EFL1: variants seen among roughly 807,000 people sequenced by gnomAD.
The protein encoded by EFL1 is elongation factor-like GTPase 1.
A neutral mutation model predicts 126.7 loss-of-function variants in EFL1; 76 were observed. The observed-to-expected ratio is 0.60, with a 90% confidence interval of 0.50 to 0.73. The LOEUF is 0.73. Among genes scored for constraint, EFL1 ranks in the 30% least tolerant of loss-of-function variants. The probability of loss-of-function intolerance (pLI) is 0.00; values close to 1 mark genes in which losing one functional copy is unlikely to be tolerated. For synonymous variants in EFL1, 410 were observed against 448.4 expected (o/e 0.91, Z 1.08); for missense variants, 1,128 against 1,343.2 (o/e 0.84, Z 2.50).
chr15:82,149,518 A>C (rs2073885571), intron 18 of EFL1, among the ~76,000 whole-genome samples: 1 of 152,222 alleles, frequency 6.6e-6, no homozygotes, highest in African/African-American at 2.4e-5. Flanking sequence ...CAGTGTAGAC[A>C]CAGACATGTT....
At chr15:82,162,054 G>C (rs1178726362) in intron 16 of EFL1, among the ~76,000 whole-genome samples, 1 of 152,224 alleles carries the variant, frequency 6.6e-6, no homozygotes, top group Non-Finnish European at 1.5e-5. Context: ...GAGGTGAGAG[G>C]ACTGCTTAAG....
Position 82,130,471 on chromosome 15 carries a change from TC to T in EFL1, c.3264del (p.Lys1089SerfsTer3). ...CGCTTTCGTACTGCGTTCATGTACT[TC>T]CGGGCTTGGTTCTCAGAGTCAGCCT... is the stretch of plus-strand genomic sequence containing the variant. Reference protein sequence around the residue: ...GEKADSENQARKYMNAVRKRK... With the variant: ...GEKADSENQAXKYMNAVRKRK... On this transcript the variant is annotated frameshift_variant, in exon 20 of 20. Transcript: ENST00000268206. LOFTEE classifies it high-confidence loss of function. 1 of 1,614,188 alleles carries T rather than the reference TC, an allele frequency of 6.2e-7. No homozygotes were observed. The highest frequency in any genetic ancestry group is 2.2e-5 in the East Asian group (1 of 44,890).
chr15:82,182,265 T>G (rs960034145), intron 15 of EFL1, among the ~76,000 whole-genome samples: 1 of 152,082 alleles, frequency 6.6e-6, no homozygotes, highest in African/African-American at 2.4e-5. Context: ...TCTCAAAGAA[T>G]AAACAAACAA....
chr15:82,151,662 T>C lies in EFL1; in HGVS notation c.2792A>G (p.Gln931Arg). 6.2e-7 allele frequency: 1 copy of C among 1,614,236 alleles called. No individual in the cohort carries two copies. Among genetic ancestry groups the C allele is most frequent in the Non-Finnish European group, 8.5e-7 (1 of 1,180,038 alleles). Residue 931 changes from glutamine (Q) to arginine (R), a missense_variant, in exon 18 of 20, where the codon CAA becomes CGA. By Grantham distance (43) the Gln-to-Arg change is conservative. This residue lies in a region of EFL1 where 561 missense variants were observed against 641.7 expected (regional missense o/e 0.87). Coordinates refer to ENST00000268206, the MANE Select transcript of EFL1 (RefSeq NM_024580.6). Reference protein sequence around the residue: ...CSGGNENQELQDGCSEAFEKR... With the variant: ...CSGGNENQELRDGCSEAFEKR... ...CTCAAAGGCCTCAGAGCAGCCATCTTGTAGCTCTTGGTTTTCATTTCCACC... is the reference window on the plus strand; with the variant it reads ...CTCAAAGGCCTCAGAGCAGCCATCTCGTAGCTCTTGGTTTTCATTTCCACC...
Position 82,151,735 on chromosome 15 carries a change from C to G in EFL1, c.2719G>C (p.Ala907Pro). The G allele has an allele frequency of 6.2e-7, 1 of 1,614,154 alleles. No individual in the cohort carries two copies. ...WDLSKFEEQG[A>P]SDLAKEGQEE... ...TGTCCCTCTTTTGCCAGATCACTTG[C>G]TCCTTGTTCCTCAAATTTACTTAGG... Residue 907 changes from alanine to proline, a missense_variant, in exon 18 of 20, where the codon GCA becomes CCA. Ala to Pro is a conservative substitution (Grantham distance 27). Around this residue, in one of 6 missense-constraint regions of EFL1, gnomAD observed 561 missense variants for 641.7 expected, o/e 0.87. Coordinates refer to ENST00000268206, the MANE Select transcript of EFL1 (RefSeq NM_024580.6).
intron 3 of EFL1, among the ~76,000 whole-genome samples, chr15:82,254,932 G>A (rs1020058579): frequency 1.3e-5 from 2 of 152,146 alleles, no homozygotes; most frequent in African/African-American, 4.8e-5. Context: ...AGAATGAGAT[G>A]TAGACCTTCA....
At chr15:82,133,756 T>C (rs1300879208) in intron 19 of EFL1, among the ~76,000 whole-genome samples, 1 of 152,234 alleles carries the variant, frequency 6.6e-6, no homozygotes, top group Non-Finnish European at 1.5e-5. Context: ...CAAACTGTTT[T>C]CAGAATTGGT....
intron 18 of EFL1, among the ~76,000 whole-genome samples, chr15:82,150,015 G>C (rs1253167517): frequency 6.6e-6 from 1 of 152,138 alleles, no homozygotes; most frequent in Admixed American, 6.5e-5. Context: ...ATGAAAAATA[G>C]CATCTGAGAA....
chr15:82,199,106 TTA>T (rs2074440401), intron 15 of EFL1, among the ~76,000 whole-genome samples: 1 of 152,046 alleles, frequency 6.6e-6, no homozygotes, highest in Admixed American at 6.6e-5. Context: ...GAAAGACACC[TTA>T]TATTCCTTCC....
intron 15 of EFL1, among the ~76,000 whole-genome samples, chr15:82,182,739 G>A (rs2141262023): frequency 6.6e-6 from 1 of 152,046 alleles, no homozygotes; most frequent in East Asian, 1.9e-4. Flanking sequence ...GCAGGAGAAT[G>A]GCATGAACCT....
chr15:82,167,608 C>T (rs950156533), intron 15 of EFL1, among the ~76,000 whole-genome samples: 2 of 151,940 alleles, frequency 1.3e-5, no homozygotes, highest in African/African-American at 4.8e-5. Context: ...TTAACAACTC[C>T]CTGTTGCACA....
chr15:82,157,594 G>T, intron 17 of EFL1, 119 bp downstream of exon 17: 1 of 1,187,322 alleles, frequency 8.4e-7, no homozygotes, highest in Non-Finnish European at 1.2e-6. Context: ...TCTGAATTGA[G>T]GGCATTTCAT....
At chr15:82,149,310 T>C (rs897993153) in intron 18 of EFL1, among the ~76,000 whole-genome samples, 26 of 152,320 alleles carry the variant, frequency 1.7e-4, no homozygotes, top group African/African-American at 6.3e-4. Context: ...TAGGAGTTCA[T>C]ACAACTACAT....
intron 7 of EFL1, among the ~76,000 whole-genome samples, chr15:82,234,196 A>G (rs1025430101): frequency 1.3e-5 from 2 of 152,328 alleles, no homozygotes; most frequent in East Asian, 1.9e-4. Flanking sequence ...ATGAAAATCA[A>G]TGTAAGAAAG....
chr15:82,168,814 T>C (rs113729650), intron 15 of EFL1, among the ~76,000 whole-genome samples: 4 of 152,306 alleles, frequency 2.6e-5, no homozygotes, highest in African/African-American at 9.6e-5. Context: ...TTCTTACACA[T>C]ATTACTTCAA....
intron 15 of EFL1, among the ~76,000 whole-genome samples, chr15:82,182,404 T>G (rs886215299): frequency 6.6e-6 from 1 of 152,230 alleles, no homozygotes; most frequent in Non-Finnish European, 1.5e-5. Flanking sequence ...AATCTTAGGT[T>G]TTCCTTCATG....
chr15:82,151,354 C>T, intron 18 of EFL1, 111 bp downstream of exon 18: 1 of 1,077,952 alleles, frequency 9.3e-7, no homozygotes, highest in South Asian at 1.5e-5. Context: ...TGCCACTGCA[C>T]TCCAGCTGGG....
chr15:82,137,768 T>C (rs1349112845), intron 19 of EFL1, among the ~76,000 whole-genome samples: 1 of 152,258 alleles, frequency 6.6e-6, no homozygotes, highest in Non-Finnish European at 1.5e-5. Context: ...GTTTACAATT[T>C]GATTCCTGAC....
At chr15:82,137,221 C>T (rs897957046) in intron 19 of EFL1, among the ~76,000 whole-genome samples, 1 of 152,130 alleles carries the variant, frequency 6.6e-6, no homozygotes, top group African/African-American at 2.4e-5. Flanking sequence ...AAAATTCTCC[C>T]TCAATTATTC....
Sources: allele counts gnomAD v4.1 joint callset (sites outside exome capture counted in the v4.1 genomes callset), GRCh38; gene constraint gnomAD v4.1.1; regional missense constraint gnomAD v4.1.1; transcripts MANE v1.5; gene names NCBI Gene and HGNC (gene_info 2026-07-23, HGNC 2026-07-21).